ESCO2: variants seen among roughly 807,000 people sequenced by gnomAD.
ESCO2 encodes establishment of sister chromatid cohesion N-acetyltransferase 2, also known as N-acetyltransferase ESCO2.
A neutral mutation model predicts 61.7 loss-of-function variants in ESCO2; 51 were observed. That is an observed-to-expected ratio of 0.83 (90% CI 0.66 to 1.04). ESCO2 has a LOEUF of 1.04. Among genes scored for constraint, ESCO2 ranks in the 50% least tolerant of loss-of-function variants. The pLI, the probability that ESCO2 is intolerant of heterozygous loss-of-function variation, is 0.00. For synonymous variants in ESCO2, 230 were observed against 238.2 expected (o/e 0.97, Z 0.32); for missense variants, 692 against 686.2 (o/e 1.01, Z -0.09).
chr8:27,774,130 T>C (rs1841310), upstream of ESCO2, among the ~76,000 whole-genome samples: 39,885 of 152,116 alleles, frequency 0.26, 6,228 homozygotes, highest in Middle Eastern at 0.35. Flanking sequence ...AAGCTTCAAA[T>C]GTGAAAAATA....
intron 2 of ESCO2, among the ~76,000 whole-genome samples, chr8:27,775,955 G>A (rs1301919512): frequency 6.6e-6 from 1 of 152,162 alleles, no homozygotes; most frequent in Non-Finnish European, 1.5e-5. Flanking sequence ...TAGAAAGACT[G>A]TGTACTCAGA....
Position 27,776,821 on chromosome 8 carries a change from CTA to C in ESCO2, c.516_517del (p.Tyr172Ter). On this transcript the variant is annotated frameshift_variant, in exon 3 of 11. Coordinates refer to ENST00000305188, the MANE Select transcript of ESCO2 (RefSeq NM_001017420.3). LOFTEE classifies it high-confidence loss of function. ...GAAATTCCAAGCAAAATCGAGTGAT[CTA>C]TAAGCCAATTGTGGAGAAGGAAAAT... is the stretch of plus-strand genomic sequence containing the variant. The part of the protein sequence containing the change: ...SRNSKQNRVI[Y>X]KPIVEKENNC... 1 of 1,614,118 alleles carries C rather than the reference CTA, an allele frequency of 6.2e-7. No homozygotes were observed. The highest frequency in any genetic ancestry group is 8.5e-7 in the Non-Finnish European group (1 of 1,180,018).
rs2128951327 is a variant in ESCO2, at chr8:27,777,106, A to G, written c.798A>G (p.Leu266=). Residue 266 remains leucine (L), a synonymous_variant, in exon 3 of 11, where the codon CTA becomes CTG. Coordinates refer to ENST00000305188, the MANE Select transcript of ESCO2 (RefSeq NM_001017420.3). ...ATRQVPKCLV[L]EEKLKIGLLS... ...GGCAAGTGCCAAAGTGCTTGGTCCT[A>G]GAAGAGAAATTGAAAATTGGACTAC... 1 of 1,597,136 alleles carries G rather than the reference A, an allele frequency of 6.3e-7. No homozygotes were observed. The highest frequency in any genetic ancestry group is 1.7e-4 in the Middle Eastern group (1 of 5,952).
At position 27,777,332 on chromosome 8, in the gene ESCO2, G is replaced by T. The variant is rs80307455; in HGVS notation, c.861+163G>T. The T allele has an allele frequency of 1.5e-3, 1,031 of 667,426 alleles. 28 individuals carry two copies. The East Asian group carries it at 0.034, about 22-fold the overall frequency. 41.3% of individuals were successfully genotyped at this position (667,426 alleles called of 1,614,324 possible). ...ATTTATTTATTTATTTTAAGACAGG[G>T]TCTTTCTTTATGACCCAGGCTGTAG... On this transcript the variant is annotated intron_variant, in intron 3 of 10. Coordinates refer to ENST00000305188, the MANE Select transcript of ESCO2 (RefSeq NM_001017420.3).
downstream of ESCO2, among the ~76,000 whole-genome samples, chr8:27,811,526 T>G (rs1805683649): frequency 6.6e-6 from 1 of 152,150 alleles, no homozygotes; most frequent in South Asian, 2.1e-4. Flanking sequence ...AATATTAGGC[T>G]GAGAGAAGTA....
downstream of ESCO2, among the ~76,000 whole-genome samples, chr8:27,811,626 T>C (rs1354316120): frequency 1.3e-5 from 2 of 152,110 alleles, no homozygotes; most frequent in African/African-American, 2.4e-5. Context: ...AAGAAAGAAA[T>C]AGGTCCACTC....
chr8:27,785,625 A>C (rs1805022654), intron 5 of ESCO2, among the ~76,000 whole-genome samples: 1 of 148,486 alleles, frequency 6.7e-6, no homozygotes, highest in Admixed American at 6.7e-5. Context: ...GCTTGAACCC[A>C]AGAGGCAGAG....
intron 3 of ESCO2, chr8:27,777,536 G>GC: frequency 5.9e-6 from 1 of 169,628 alleles, no homozygotes; most frequent in South Asian, 1.4e-4. Context: ...CTGGGCTATA[G>GC]TGATCCACCT....
chr8:27,801,969 A>ATTTTTTTTTTTTTTTTTTTTTTTTTT (rs34539100), intron 10 of ESCO2, among the ~76,000 whole-genome samples: 2 of 83,780 alleles, frequency 2.4e-5, no homozygotes, highest in Admixed American at 1.7e-4. Flanking sequence ...CCTTCATGGC[A>ATTTTTTTTTTTTTTTTTTTTTTTTTT]TTTTTTTTTT....
At chr8:27,774,202 G>A (rs10105720), upstream of ESCO2, among the ~76,000 whole-genome samples, 63,552 of 151,262 alleles carry the variant, frequency 0.42, 13,630 homozygotes, top group East Asian at 0.62. Flanking sequence ...TTTTGAGACG[G>A]AGTCTTGCTC....
chr8:27,810,867 A>G (rs1484625375), downstream of ESCO2: 3 of 817,806 alleles, frequency 3.7e-6, no homozygotes, highest in Admixed American at 2.3e-5. Context: ...ATCAGTCATC[A>G]GTACTAATAC....
chr8:27,807,942 G>T (rs1805595118), downstream of ESCO2, among the ~76,000 whole-genome samples: 1 of 152,092 alleles, frequency 6.6e-6, no homozygotes, highest in Non-Finnish European at 1.5e-5. Context: ...CAGCCAGAAG[G>T]TGCCTTCTAT....
At chr8:27,813,616 A>G (rs1389947925), downstream of ESCO2, among the ~76,000 whole-genome samples, 1 of 152,196 alleles carries the variant, frequency 6.6e-6, no homozygotes, top group Non-Finnish European at 1.5e-5. Flanking sequence ...CACCTCATAT[A>G]GTTACCATTT....
intron 9 of ESCO2, among the ~76,000 whole-genome samples, chr8:27,794,402 T>G (rs1805249706): frequency 6.6e-6 from 1 of 152,244 alleles, no homozygotes; most frequent in African/African-American, 2.4e-5. Flanking sequence ...TTTGTATGTC[T>G]TCTTTTGAAA....
chr8:27,775,550 T>G lies in ESCO2; in HGVS notation c.36T>G (p.Asp12Glu), dbSNP rs1563467816. ...TTACTCCAAGGAAGAGGAAGCAGGA[T>G]TCTTTGAAGTGTGACAGGTGAATCT... ...AALTPRKRKQ[D>E]SLKCDSLLHF... is the part of the protein sequence containing the mutation. The change falls in exon 2 of 11, where the codon GAT becomes GAG. Residue 12 changes from aspartate to glutamate, a missense_variant. Asp to Glu is a conservative substitution (Grantham distance 45). Transcript: ENST00000305188. The G allele has an allele frequency of 6.2e-7, 1 of 1,614,154 alleles. No individual in the cohort carries two copies. Among genetic ancestry groups the G allele is most frequent in the East Asian group, 2.2e-5 (1 of 44,862 alleles).
intron 9 of ESCO2, among the ~76,000 whole-genome samples, chr8:27,799,317 C>A (rs1270204311): frequency 6.6e-6 from 1 of 151,920 alleles, no homozygotes; most frequent in African/African-American, 2.4e-5. Flanking sequence ...AGGAAAGTCT[C>A]GTAATGCTAT....
rs1026134543 is a variant in ESCO2 at position 27,785,316 on chromosome 8, A to C, written c.1013+1259A>C. Among the ~76,000 whole-genome samples, 5 of 152,342 alleles carry C rather than the reference A, an allele frequency of 3.3e-5. No individual in the cohort carries two copies. In the East Asian group the frequency reaches 9.7e-4, roughly 29 times the overall value. On this transcript the variant is annotated intron_variant, in intron 5 of 10. Transcript: ENST00000305188. ...CCCAAAACTGTTGCACTAGAGATTA[A>C]GTTTTCACACATGAACTTTGGGGGA...
intron 10 of ESCO2, 135 bp downstream of exon 10, chr8:27,799,851 G>T (rs1050277396): frequency 9.3e-7 from 1 of 1,071,006 alleles, no homozygotes; most frequent in Non-Finnish European, 1.4e-6. Context: ...GCTAAGGAAG[G>T]TATTGGTACT....
intron 7 of ESCO2, among the ~76,000 whole-genome samples, chr8:27,789,505 T>G (rs1805125197): frequency 6.6e-6 from 1 of 152,122 alleles, no homozygotes; most frequent in African/African-American, 2.4e-5. Flanking sequence ...CTAGGCCGGG[T>G]GCAGTGACTC....
Sources: gnomAD v4.1 joint callset for allele counts (sites outside exome capture counted in the v4.1 genomes callset) on GRCh38, gnomAD v4.1.1 for gene constraint, MANE v1.5 for transcripts, NCBI Gene and HGNC (gene_info 2026-07-23, HGNC 2026-07-21) for gene names.